The following NEDD4L variants were observed in gnomAD, a reference collection of about 807,000 sequenced individuals.
NEDD4L encodes NEDD4 like E3 ubiquitin protein ligase.
NEDD4L carries 54 observed loss-of-function variants against 148.9 expected under a neutral mutation model. The observed-to-expected ratio is 0.36, with a 90% CI of 0.29 to 0.45. NEDD4L has a LOEUF of 0.45. NEDD4L is among the 20% of genes least tolerant of loss of function. The pLI is 1.00. For missense variants in NEDD4L, 856 were observed against 1,233.8 expected, an observed-to-expected ratio of 0.69 and a Z score of 4.59; for synonymous variants, 433 against 440.7, an observed-to-expected ratio of 0.98 and a Z score of 0.22.
chr18:58,331,118 A>C lies in NEDD4L; in HGVS notation c.990+204A>C, dbSNP rs147910312. ...CAGGTGAGAATCTTTCTTGATTTGG[A>C]AGGCAGCTTTGCTCACCCTTATACC... On this transcript the variant is annotated intron_variant, in intron 11 of 30. Coordinates refer to ENST00000400345, the MANE Select transcript of NEDD4L (RefSeq NM_001144967.3). Among the ~76,000 whole-genome samples the C allele has an allele frequency of 6.1e-3, 927 of 152,306 alleles. 8 individuals carry two copies. Among genetic ancestry groups the C allele is most frequent in the Non-Finnish European group, 0.01 (681 of 68,018 alleles).
chr18:58,298,356 A>C (rs1298282350), intron 5 of NEDD4L, among the ~76,000 whole-genome samples: 1 of 152,176 alleles, frequency 6.6e-6, no homozygotes, highest in African/African-American at 2.4e-5. Flanking sequence ...TATCCCTGGA[A>C]CCCTGGTTAT....
chr18:58,115,924 G>A (rs1030561571), intron 1 of NEDD4L, among the ~76,000 whole-genome samples: 12 of 152,194 alleles, frequency 7.9e-5, no homozygotes, highest in African/African-American at 1.2e-4. Flanking sequence ...AGCACTCTAC[G>A]TTTGTTAACT....
At chr18:58,079,449 TC>T (rs1236237624) in intron 1 of NEDD4L, among the ~76,000 whole-genome samples, 1 of 152,208 alleles carries the variant, frequency 6.6e-6, no homozygotes, top group Non-Finnish European at 1.5e-5. Flanking sequence ...TTAAAAACTC[TC>T]ACTTTCAACT....
chr18:58,153,747 C>T (rs746503016), intron 1 of NEDD4L, among the ~76,000 whole-genome samples: 40 of 151,896 alleles, frequency 2.6e-4, no homozygotes, highest in Admixed American at 8.5e-4. Context: ...CATGGGTTCA[C>T]GCTGTTCTCC....
intron 13 of NEDD4L, chr18:58,335,787 C>G: frequency 2.7e-6 from 1 of 376,754 alleles, no homozygotes; most frequent in Non-Finnish European, 4.9e-6. Context: ...GTGCATTTAA[C>G]TTGACCATTT....
At chr18:58,343,357 C>G (rs2042665096) in intron 16 of NEDD4L, among the ~76,000 whole-genome samples, 1 of 152,178 alleles carries the variant, frequency 6.6e-6, no homozygotes, top group African/African-American at 2.4e-5. Flanking sequence ...TTAGACAGTT[C>G]ACCGTGCTGG....
At chr18:58,234,077 C>CTT (rs2045618252) in intron 2 of NEDD4L, among the ~76,000 whole-genome samples, 1 of 92,376 alleles carries the variant, frequency 1.1e-5, no homozygotes, top group African/African-American at 4.8e-5. Context: ...TTCTTTCTTT[C>CTT]TTTCTTTCTT....
intron 5 of NEDD4L, among the ~76,000 whole-genome samples, chr18:58,267,340 A>G (rs62094549): frequency 0.23 from 34,353 of 151,998 alleles, 4,546 homozygotes; most frequent in African/African-American, 0.33. Flanking sequence ...CTAAAACCCT[A>G]TTATACTTGA....
At chr18:58,063,146 C>T (rs1268786603) in intron 1 of NEDD4L, among the ~76,000 whole-genome samples, 2 of 149,762 alleles carry the variant, frequency 1.3e-5, no homozygotes, top group Non-Finnish European at 1.5e-5. Context: ...CCGAAGTCCA[C>T]ACGATCCTCC....
intron 1 of NEDD4L, chr18:58,090,890 A>C (rs992642411): frequency 6.6e-6 from 1 of 152,202 alleles, no homozygotes; most frequent in African/African-American, 2.4e-5. Context: ...CAAATAGTAG[A>C]CTTAGCTTGG....
intron 5 of NEDD4L, among the ~76,000 whole-genome samples, chr18:58,286,709 A>G (rs2053953918): frequency 6.6e-6 from 1 of 152,214 alleles, no homozygotes; most frequent in Non-Finnish European, 1.5e-5. Context: ...GCTGATCCAT[A>G]GCACACAGTA....
At chr18:58,090,136 C>G (rs1163330720) in intron 1 of NEDD4L, among the ~76,000 whole-genome samples, 1 of 152,150 alleles carries the variant, frequency 6.6e-6, no homozygotes, top group Non-Finnish European at 1.5e-5. Flanking sequence ...CCATGCCCAG[C>G]CCAAACTTCC....
At chr18:58,385,915 G>A (rs890823251) in intron 26 of NEDD4L, among the ~76,000 whole-genome samples, 2 of 152,020 alleles carry the variant, frequency 1.3e-5, no homozygotes, top group Non-Finnish European at 2.9e-5. Context: ...GTACCCAAGA[G>A]AAGGCTGCCT....
intron 19 of NEDD4L, among the ~76,000 whole-genome samples, chr18:58,357,851 AG>A (rs1318299428): frequency 6.6e-6 from 1 of 152,198 alleles, no homozygotes; most frequent in East Asian, 1.9e-4. Context: ...AGGCAGTGTG[AG>A]AACCCCACTC....
chr18:58,126,250 A>T (rs1317773878), intron 1 of NEDD4L, among the ~76,000 whole-genome samples: 1 of 152,232 alleles, frequency 6.6e-6, no homozygotes, highest in East Asian at 1.9e-4. Flanking sequence ...GAAAATTTTC[A>T]TCAGCTGAAA....
At chr18:58,137,961 A>G (rs55813224) in intron 1 of NEDD4L, among the ~76,000 whole-genome samples, 3,125 of 152,248 alleles carry the variant, frequency 0.021, 58 homozygotes, top group Non-Finnish European at 0.026. Context: ...CCCATTAGGT[A>G]TAAGGCCTAT....
intron 24 of NEDD4L, among the ~76,000 whole-genome samples, chr18:58,375,118 T>TCTCCTCATGCCATCTCCC (rs1326542550): frequency 4.9e-4 from 74 of 151,782 alleles, no homozygotes; most frequent in African/African-American, 1.7e-3. Context: ...AATCTCCCTC[T>TCTCCTCATGCCATCTCCC]CTCCTCATGC....
At chr18:58,193,037 A>G (rs2040287657) in intron 2 of NEDD4L, among the ~76,000 whole-genome samples, 1 of 152,186 alleles carries the variant, frequency 6.6e-6, no homozygotes, top group Admixed American at 6.5e-5. Context: ...AAAGGTTTTT[A>G]CAGTGAAGTG....
At chr18:58,050,425 G>A (rs1408523476) in intron 1 of NEDD4L, among the ~76,000 whole-genome samples, 2 of 151,834 alleles carry the variant, frequency 1.3e-5, no homozygotes, top group Non-Finnish European at 2.9e-5. Flanking sequence ...AGCCGAGATC[G>A]CACCACTGCA....
Sources: gnomAD v4.1 joint callset for allele counts (sites outside exome capture counted in the v4.1 genomes callset) on GRCh38, gnomAD v4.1.1 for gene constraint, MANE v1.5 for transcripts, NCBI Gene and HGNC (gene_info 2026-07-23, HGNC 2026-07-21) for gene names.